Variants in KMT2E observed in about 807,000 individuals in gnomAD.
The protein encoded by KMT2E is lysine methyltransferase 2E (inactive).
KMT2E carries 30 observed loss-of-function variants against 184.6 expected under a neutral mutation model. The ratio of observed to expected loss-of-function variants is 0.16; its 90% CI spans 0.12 to 0.22. The LOEUF (loss-of-function observed/expected upper bound fraction) is 0.22, where lower values mean the gene tolerates loss of function less well. Among genes scored for constraint, KMT2E ranks in the 10% least tolerant of loss-of-function variants. KMT2E has a pLI of 1.00. For synonymous variants in KMT2E, 815 were observed against 776.5 expected, an observed-to-expected ratio of 1.05 and a Z score of -0.82; for missense variants, 2,023 against 2,237.4, an observed-to-expected ratio of 0.90 and a Z score of 1.93.
intron 5 of KMT2E, 127 bp downstream of exon 5, chr7:105,063,707 ATT>A: frequency 3.1e-6 from 2 of 641,532 alleles, no homozygotes; most frequent in Non-Finnish European, 5.2e-6. Flanking sequence ...GACTTCTACT[ATT>A]GATGCAGTCC....
At chr7:105,048,816 C>G (rs1274631302) in intron 3 of KMT2E, among the ~76,000 whole-genome samples, 2 of 152,206 alleles carry the variant, frequency 1.3e-5, no homozygotes, top group Non-Finnish European at 2.9e-5. Flanking sequence ...TCTACAGAAT[C>G]AGGAAGCAGG....
Position 105,040,933 on chromosome 7 carries a change from A to G in KMT2E, c.-20A>G, listed in dbSNP as rs1402488778. ...ATGCATAGGACTCCATAGTAATCGA[A>G]TTTACCAGAGGCGAACGTCATGAGC... On this transcript the variant is annotated 5_prime_UTR_variant, in exon 3 of 27. Coordinates refer to ENST00000311117, the MANE Select transcript of KMT2E (RefSeq NM_182931.3). 6.2e-7 allele frequency: 1 copy of G among 1,603,778 alleles called. No homozygotes were observed. Among genetic ancestry groups the G allele is most frequent in the South Asian group, 1.1e-5 (1 of 90,546 alleles).
intron 1 of KMT2E, among the ~76,000 whole-genome samples, chr7:105,018,825 C>T (rs1188903980): frequency 6.6e-6 from 1 of 151,990 alleles, no homozygotes; most frequent in African/African-American, 2.4e-5. Flanking sequence ...GTATTACCTA[C>T]AAATTTACTT....
chr7:105,056,073 C>T (rs139133473), intron 3 of KMT2E, among the ~76,000 whole-genome samples: 1 of 152,242 alleles, frequency 6.6e-6, no homozygotes, highest in East Asian at 1.9e-4. Flanking sequence ...TGCTAGTGAA[C>T]ATTAAGCCCT....
chr7:105,103,661 A>G (rs1187689156), intron 17 of KMT2E: 4 of 152,028 alleles, frequency 2.6e-5, no homozygotes, highest in South Asian at 4.1e-4. Flanking sequence ...ATGGAGTTCT[A>G]TATACAGAGA....
At chr7:105,025,771 T>G (rs1326107116) in intron 1 of KMT2E, among the ~76,000 whole-genome samples, 1 of 152,178 alleles carries the variant, frequency 6.6e-6, no homozygotes, top group Non-Finnish European at 1.5e-5. Context: ...AAACGCAAAC[T>G]AAGTTAAATG....
At chr7:105,054,063 C>G (rs1562894424) in intron 3 of KMT2E, among the ~76,000 whole-genome samples, 1 of 151,800 alleles carries the variant, frequency 6.6e-6, no homozygotes, top group Non-Finnish European at 1.5e-5. Context: ...ATCCCGGCTA[C>G]TACGAGGCTG....
intron 21 of KMT2E, 70 bp downstream of exon 21, chr7:105,107,292 G>T: frequency 6.6e-7 from 1 of 1,506,382 alleles, no homozygotes. Context: ...TTAAATTACT[G>T]GTAAATTTTG....
At chr7:105,091,105 G>A in intron 14 of KMT2E, 111 bp from the exon 15 acceptor site, 1 of 571,494 alleles carries the variant, frequency 1.7e-6, no homozygotes, top group South Asian at 2.6e-5. Flanking sequence ...ATTTAAATAG[G>A]CTGTGTACAT....
In KMT2E at chr7:105,105,701, T is replaced by C; in HGVS notation, c.2451+8T>C. On this transcript the variant is annotated splice_region_variant and intron_variant, in intron 18 of 26. Transcript: ENST00000311117. ...TCTGGTTCATGCAAGAAGGTAAACT[T>C]TTCTTTGGAAGTAAAAATGTAGAAT... The C allele has an allele frequency of 6.3e-7, 1 of 1,592,412 alleles. No individual in the cohort carries two copies. The highest frequency in any genetic ancestry group is 8.5e-7 in the Non-Finnish European group (1 of 1,173,054).
intron 3 of KMT2E, among the ~76,000 whole-genome samples, chr7:105,051,876 G>A (rs939731239): frequency 6.6e-6 from 1 of 152,124 alleles, no homozygotes; most frequent in Non-Finnish European, 1.5e-5. Context: ...GGCATGAACC[G>A]CCGCGCCTGG....
rs1220616268 is a variant in KMT2E, at chr7:105,063,482, C to T, written c.318C>T (p.Ile106=). ...NFDETSSATT[I]STSEDGSYGT... is the part of the protein sequence containing the mutation. The stretch of plus-strand genomic sequence containing the variant: ...ATGAAACTTCCAGTGCTACTACAAT[C>T]AGCACATCTGAGGATGGAAGTTATG... The change falls in exon 5 of 27, where the codon ATC becomes ATT. Residue 106 remains isoleucine (I), a synonymous_variant. Transcript: ENST00000311117. 3.1e-6 allele frequency: 5 copies of T among 1,613,600 alleles called. No homozygotes were observed. Among genetic ancestry groups the T allele is most frequent in the Non-Finnish European group, 3.4e-6 (4 of 1,179,610 alleles).
At chr7:105,024,957 A>G (rs1406802677) in intron 1 of KMT2E, among the ~76,000 whole-genome samples, 1 of 152,136 alleles carries the variant, frequency 6.6e-6, no homozygotes, top group East Asian at 1.9e-4. Context: ...AGGAGCTTGA[A>G]TTAAAATCAC....
chr7:105,059,981 T>G (rs111564725), intron 3 of KMT2E, among the ~76,000 whole-genome samples: 46 of 26,734 alleles, frequency 1.7e-3, no homozygotes, highest in East Asian at 0.013. Context: ...TGTTGTTGTT[T>G]TTTTTTTTTT....
In KMT2E at chr7:105,063,802, T is replaced by C. The variant is rs192214176; in HGVS notation, c.416+222T>C. On this transcript the variant is annotated intron_variant, in intron 5 of 26. Transcript: ENST00000311117. ...GTAATAGACAGTCAGTTCTGAACTT[T>C]TTTTCATGTAGGATCACATTTTTCT... 890 of 527,542 alleles carry C rather than the reference T, an allele frequency of 1.7e-3. 10 individuals carry two copies. Among genetic ancestry groups the C allele is most frequent in the East Asian group, 0.01 (310 of 30,144 alleles). 32.7% of individuals were successfully genotyped at this position (527,542 alleles called of 1,614,324 possible).
Position 105,077,451 on chromosome 7 carries a change from C to T in KMT2E, c.1130+18C>T, listed in dbSNP as rs1797576739. On this transcript the variant is annotated intron_variant, in intron 11 of 26. Transcript: ENST00000311117. ...TTTAAAAGGTATATTCATTTATTTT[C>T]CCATGTTCATTTTCTGTAGGTAAAT... 1 of 1,580,960 alleles carries T rather than the reference C, an allele frequency of 6.3e-7. No individual in the cohort carries two copies.
chr7:105,091,350 A>T, intron 15 of KMT2E, 36 bp downstream of exon 15: 2 of 1,125,478 alleles, frequency 1.8e-6, no homozygotes, highest in Non-Finnish European at 1.4e-6. Flanking sequence ...GCTTAGTGAC[A>T]GCTGCTCTGC....
rs976247518 is a variant in KMT2E, at chr7:105,101,822, T to G, written c.1888-64T>G. 244 of 1,261,410 alleles carry G rather than the reference T, an allele frequency of 1.9e-4. 1 individual carries two copies. In the African/African-American group the frequency reaches 3.4e-3, roughly 17 times the overall value. 78.1% of individuals were successfully genotyped at this position (1,261,410 alleles called of 1,614,324 possible). On this transcript the variant is annotated intron_variant, in intron 16 of 26. Transcript: ENST00000311117. ...GTTGGCTTCTGAAGTAGAATAATGC[T>G]ATTATATTTAAACTTTATATATATG... is the stretch of plus-strand genomic sequence containing the variant.
chr7:105,099,471 A>G (rs913715192), intron 15 of KMT2E, among the ~76,000 whole-genome samples: 2 of 152,178 alleles, frequency 1.3e-5, no homozygotes, highest in South Asian at 2.1e-4. Context: ...TGCTCTGACT[A>G]TAAATTAGCT....
Sources: allele counts gnomAD v4.1 joint callset (sites outside exome capture counted in the v4.1 genomes callset), GRCh38; gene constraint gnomAD v4.1.1; transcripts MANE v1.5; gene names NCBI Gene and HGNC (gene_info 2026-07-23, HGNC 2026-07-21).